The following MAL2 variants were observed in gnomAD, a reference collection of about 807,000 sequenced individuals.
MAL2 encodes protein MAL2.
MAL2 carries 17 observed loss-of-function variants against 18.1 expected under a neutral mutation model. The observed-to-expected ratio is 0.94, with a 90% CI of 0.64 to 1.41. MAL2 has a LOEUF of 1.41. MAL2 is among the 40% of genes most tolerant of loss of function. The pLI, the probability that MAL2 is intolerant of heterozygous loss-of-function variation, is 0.00. For missense variants in MAL2, 222 were observed against 231.9 expected (o/e 0.96, Z 0.28); for synonymous variants, 102 against 102.3 (o/e 1.00, Z 0.02).
chr8:119,226,147 A>C (rs1817591376), intron 2 of MAL2, among the ~76,000 whole-genome samples: 1 of 151,936 alleles, frequency 6.6e-6, no homozygotes, highest in South Asian at 2.1e-4. Context: ...GTTTAATTAG[A>C]TCCCATTTGT....
chr8:119,220,116 G>A (rs546538801), intron 1 of MAL2, among the ~76,000 whole-genome samples: 12 of 152,192 alleles, frequency 7.9e-5, no homozygotes, highest in South Asian at 2.1e-4. Flanking sequence ...AGGCATGGTA[G>A]TATGGAGGAG....
In MAL2 at chr8:119,240,258, A is replaced by G. The variant is rs753477073; in HGVS notation, c.397A>G (p.Thr133Ala). The change falls in exon 3 of 4, where the codon ACA (threonine) becomes GCA (alanine). Residue 133 changes from threonine to alanine, a missense_variant. Coordinates refer to ENST00000614891, the MANE Select transcript of MAL2 (RefSeq NM_052886.3). ...ATCCCTGCATGATTTGCATTGCAAT[A>G]CAACCATAACCGGGCAGCCACTCCT... ...ATSLHDLHCNTTITGQPLLSD... is the reference protein window; with the variant it reads ...ATSLHDLHCNATITGQPLLSD... 17 of 1,613,652 alleles carry G rather than the reference A, an allele frequency of 1.1e-5. No individual in the cohort carries two copies. The highest frequency in any genetic ancestry group is 1.4e-5 in the Non-Finnish European group (17 of 1,179,840).
At chr8:119,216,401 T>C (rs1429326282) in intron 1 of MAL2, among the ~76,000 whole-genome samples, 1 of 152,196 alleles carries the variant, frequency 6.6e-6, no homozygotes, top group East Asian at 1.9e-4. Flanking sequence ...GAACAAGTTA[T>C]GAATGGATTT....
chr8:119,219,450 C>A (rs1817422200), intron 1 of MAL2, among the ~76,000 whole-genome samples: 1 of 152,082 alleles, frequency 6.6e-6, no homozygotes, highest in Admixed American at 6.5e-5. Flanking sequence ...GGAGCTCCAA[C>A]TGTTCTCACA....
chr8:119,208,381 G>C lies in MAL2; in HGVS notation c.-92G>C, dbSNP rs1408134051. 8 of 703,656 alleles carry C rather than the reference G, an allele frequency of 1.1e-5. No individual in the cohort carries two copies. In the African/African-American group the frequency reaches 1.7e-4, roughly 15 times the overall value. The allele number at this position is 703,656 out of a possible 1,614,324, so 43.6% of individuals were successfully genotyped here. A position where few individuals can be genotyped will look rare whatever the true frequency, so the allele number is the denominator to read the frequency against. On this transcript the variant is annotated 5_prime_UTR_variant, in exon 1 of 4. Coordinates refer to ENST00000614891, the MANE Select transcript of MAL2 (RefSeq NM_052886.3). This position sits in a 1 kb window ranked among gnomAD's most constrained non-coding sequence, Gnocchi z 4.3. ...GCGCGGCGCGCCCGGAGCCCGCGGA[G>C]CTGAGCGGCGGCGGCGGCGGCGGCA...
rs142074994 is a variant in MAL2, at chr8:119,220,100, A to G, written c.133-1487A>G. ...ACATGTCAGATCACAAATGGCTTGG[A>G]ATGCCAGGCATGGTAGTATGGAGGA... On this transcript the variant is annotated intron_variant, in intron 1 of 3. Coordinates refer to ENST00000614891, the MANE Select transcript of MAL2 (RefSeq NM_052886.3). Among the ~76,000 whole-genome samples the G allele has an allele frequency of 3.4e-3, 519 of 152,308 alleles. 6 individuals carry two copies. Among genetic ancestry groups the G allele is most frequent in the African/African-American group, 0.011 (471 of 41,568 alleles).
In MAL2 at chr8:119,243,535, TTA is replaced by T. The variant is rs1213757749; in HGVS notation, c.*51_*52del. 4.0e-6 allele frequency: 6 copies of T among 1,493,184 alleles called. No homozygotes were observed. Among genetic ancestry groups the T allele is most frequent in the Admixed American group, 2.2e-5 (1 of 45,702 alleles). 92.5% of individuals were successfully genotyped at this position (1,493,184 alleles called of 1,614,324 possible). A position where few individuals can be genotyped will look rare whatever the true frequency, so the allele number is the denominator to read the frequency against. Reference sequence around the variant, plus strand: ...CGTATGTTAGTTTCACTTGTCTACTTTATATGTCTGATCAATTTGGATACCAT... The same window carrying T: ...CGTATGTTAGTTTCACTTGTCTACTTTATGTCTGATCAATTTGGATACCAT... On this transcript the variant is annotated 3_prime_UTR_variant, in exon 4 of 4. Transcript: ENST00000614891.
In MAL2 at chr8:119,245,038, C is replaced by G. The variant is rs181754706; in HGVS notation, c.*1550C>G. On this transcript the variant is annotated 3_prime_UTR_variant, in exon 4 of 4. Transcript: ENST00000614891. ...AGTGGCATGATCCGTGCTTAATGAT[C>G]AAGTGTTACTTATCTAATAATCCTC... 1 of 152,666 alleles carries G rather than the reference C, an allele frequency of 6.6e-6. No individual in the cohort carries two copies. Among genetic ancestry groups the G allele is most frequent in the African/African-American group, 2.4e-5 (1 of 41,536 alleles). 9.5% of individuals were successfully genotyped at this position (152,666 alleles called of 1,614,324 possible).
chr8:119,215,982 T>C (rs1405213755), intron 1 of MAL2, among the ~76,000 whole-genome samples: 1 of 152,180 alleles, frequency 6.6e-6, no homozygotes, highest in Non-Finnish European at 1.5e-5. Flanking sequence ...ATGTAAAATA[T>C]AGCTAATTGT....
At chr8:119,239,129 C>T (rs1411441678) in intron 2 of MAL2, among the ~76,000 whole-genome samples, 4 of 152,098 alleles carry the variant, frequency 2.6e-5, no homozygotes, top group African/African-American at 4.8e-5. Context: ...TGAACAGACA[C>T]TTCTCAAAAG....
At chr8:119,238,681 A>T (rs200422342) in intron 2 of MAL2, among the ~76,000 whole-genome samples, 11,562 of 146,262 alleles carry the variant, frequency 0.079, 1,584 homozygotes, top group African/African-American at 0.28. Context: ...GGGGAAAGGA[A>T]TCCCTATTTA....
chr8:119,236,656 C>T (rs1243782506), intron 2 of MAL2, among the ~76,000 whole-genome samples: 13 of 151,602 alleles, frequency 8.6e-5, no homozygotes, highest in Admixed American at 7.2e-4. Flanking sequence ...AACCGCTCAA[C>T]TACATGGAAA....
At chr8:119,233,289 A>G (rs1310743382) in intron 2 of MAL2, among the ~76,000 whole-genome samples, 4 of 152,344 alleles carry the variant, frequency 2.6e-5, no homozygotes, top group African/African-American at 9.6e-5. Context: ...AAACAAACAC[A>G]TTCAAAAGCT....
chr8:119,216,845 T>C (rs1263092961), intron 1 of MAL2, among the ~76,000 whole-genome samples: 1 of 152,198 alleles, frequency 6.6e-6, no homozygotes, highest in East Asian at 1.9e-4. Flanking sequence ...AATTAGCCGG[T>C]TTACTTTGTG....
intron 2 of MAL2, among the ~76,000 whole-genome samples, chr8:119,224,862 A>G (rs1413668093): frequency 6.6e-6 from 1 of 152,210 alleles, no homozygotes; most frequent in Non-Finnish European, 1.5e-5. Flanking sequence ...TCCACTGCTT[A>G]GTATCTTACA....
intron 2 of MAL2, among the ~76,000 whole-genome samples, chr8:119,233,194 A>G (rs202035708): frequency 0.015 from 2,266 of 152,190 alleles, 58 homozygotes; most frequent in African/African-American, 0.052. Context: ...GAAATTTATA[A>G]CACTAAATGC....
chr8:119,213,814 A>G (rs1817302654), intron 1 of MAL2, among the ~76,000 whole-genome samples: 1 of 152,170 alleles, frequency 6.6e-6, no homozygotes, highest in South Asian at 2.1e-4. Flanking sequence ...GCGAAACTAC[A>G]TCCCCAAAAT....
intron 1 of MAL2, among the ~76,000 whole-genome samples, chr8:119,210,200 G>C (rs1452551685): frequency 1.3e-5 from 2 of 151,998 alleles, no homozygotes; most frequent in Non-Finnish European, 1.5e-5. Context: ...TTTTTCTAAT[G>C]TTTATTCAAA....
intron 2 of MAL2, among the ~76,000 whole-genome samples, chr8:119,238,407 A>C (rs1817961575): frequency 6.6e-6 from 1 of 152,218 alleles, no homozygotes; most frequent in Admixed American, 6.5e-5. Context: ...GACTTTCTTC[A>C]CAGAATTGGA....
Sources: gnomAD v4.1 joint callset for allele counts (sites outside exome capture counted in the v4.1 genomes callset) on GRCh38, gnomAD v4.1.1 for gene constraint, Gnocchi (gnomAD v3.1) non-coding constraint, MANE v1.5 for transcripts, NCBI Gene and HGNC (gene_info 2026-07-23, HGNC 2026-07-21) for gene names.